The following EPS8 variants were observed in gnomAD, a reference collection of about 807,000 sequenced individuals.
EPS8 encodes EGFR pathway substrate 8, signaling adaptor.
Under a neutral mutation model 103.8 loss-of-function variants are expected in EPS8, and 42 were observed. The observed-to-expected ratio is 0.40, with a 90% CI of 0.32 to 0.52. The LOEUF (loss-of-function observed/expected upper bound fraction) is 0.52, where lower values mean the gene tolerates loss of function less well. EPS8 is among the 20% of genes least tolerant of loss of function. The pLI, the probability that EPS8 is intolerant of heterozygous loss-of-function variation, is 0.40. For synonymous variants in EPS8, 344 were observed against 344.6 expected (o/e 1.00, Z 0.02); for missense variants, 969 against 1,005.1 (o/e 0.96, Z 0.49).
chr12:15,645,682 C>T (rs1354145360), intron 15 of EPS8, among the ~76,000 whole-genome samples: 1 of 152,046 alleles, frequency 6.6e-6, no homozygotes, highest in Non-Finnish European at 1.5e-5. Flanking sequence ...AATACTATCC[C>T]TTATAGATAT....
intron 1 of EPS8, among the ~76,000 whole-genome samples, chr12:15,758,080 T>G (rs1214484014): frequency 6.6e-6 from 1 of 152,170 alleles, no homozygotes; most frequent in East Asian, 1.9e-4. Flanking sequence ...AAGTCCCCAG[T>G]GCCAGCATAC....
In EPS8 at chr12:15,640,859, A is replaced by G. The variant is rs1250555242; in HGVS notation, c.1678-13T>C. On this transcript the variant is annotated splice_polypyrimidine_tract_variant and intron_variant, in intron 16 of 20. Coordinates refer to ENST00000281172, the MANE Select transcript of EPS8 (RefSeq NM_004447.6). ...GATCATCAAGTATCTGTCATGTACA[A>G]GAAAATAAAGGTATAATTTCCATAT... 1 of 1,611,118 alleles carries G rather than the reference A, an allele frequency of 6.2e-7. No individual in the cohort carries two copies. Among genetic ancestry groups the G allele is most frequent in the Non-Finnish European group, 8.5e-7 (1 of 1,179,192 alleles).
At chr12:15,755,731 C>T (rs1009417581) in intron 1 of EPS8, among the ~76,000 whole-genome samples, 18 of 152,108 alleles carry the variant, frequency 1.2e-4, no homozygotes, top group African/African-American at 4.3e-4. Flanking sequence ...GCTTTCTCTC[C>T]ACCCTCGTCC....
intron 1 of EPS8, among the ~76,000 whole-genome samples, chr12:15,783,693 C>T (rs1048329351): frequency 1.4e-4 from 16 of 117,420 alleles, no homozygotes; most frequent in African/African-American, 5.1e-4. Flanking sequence ...TCCATTTTCA[C>T]AAAGAAGCAT....
chr12:15,769,485 C>T lies in EPS8; in HGVS notation c.-22+19676G>A, dbSNP rs1478026446. Among the ~76,000 whole-genome samples, 1 of 152,104 alleles carries T rather than the reference C, an allele frequency of 6.6e-6. No homozygotes were observed. The highest frequency in any genetic ancestry group is 1.5e-5 in the Non-Finnish European group (1 of 68,006). On this transcript the variant is annotated intron_variant, in intron 1 of 20. Transcript: ENST00000281172. The surrounding 1 kb of genome is among the most constrained non-coding windows in gnomAD (Gnocchi z 4.6). ...AACTAGCATTACAGTTATTACTCAA[C>T]TTTGGAAAAATTACACAAATATAAG...
chr12:15,766,719 T>C (rs953960763), intron 1 of EPS8, among the ~76,000 whole-genome samples: 2 of 150,950 alleles, frequency 1.3e-5, no homozygotes, highest in African/African-American at 4.9e-5. Context: ...AAAAAGAATA[T>C]AATAATGACC....
At chr12:15,723,090 G>C (rs1591896854) in intron 1 of EPS8, among the ~76,000 whole-genome samples, 1 of 151,762 alleles carries the variant, frequency 6.6e-6, no homozygotes, top group Non-Finnish European at 1.5e-5. Context: ...GTGGGAGGCT[G>C]AGGGGGATGC....
Position 15,760,313 on chromosome 12 carries a change from A to T in EPS8, c.-22+28848T>A, listed in dbSNP as rs1363766722. 6.6e-6 allele frequency among the ~76,000 whole-genome samples: 1 copy of T among 152,048 alleles called. No individual in the cohort carries two copies. Among genetic ancestry groups the T allele is most frequent in the African/African-American group, 2.4e-5 (1 of 41,438 alleles). On this transcript the variant is annotated intron_variant, in intron 1 of 20. Coordinates refer to ENST00000281172, the MANE Select transcript of EPS8 (RefSeq NM_004447.6). The surrounding 1 kb of genome is among the most constrained non-coding windows in gnomAD (Gnocchi z 4.5). ...TAATAAAATTGAAGGTGTAATAAAAAATCTCCCAGTAAAATAAAAGCCCAA... is the reference window on the plus strand; with the variant it reads ...TAATAAAATTGAAGGTGTAATAAAATATCTCCCAGTAAAATAAAAGCCCAA...
chr12:15,738,052 AT>A lies in EPS8; in HGVS notation c.-22+51108del, dbSNP rs1946784313. Among the ~76,000 whole-genome samples the A allele has an allele frequency of 6.6e-6, 1 of 152,112 alleles. No individual in the cohort carries two copies. Among genetic ancestry groups the A allele is most frequent in the Non-Finnish European group, 1.5e-5 (1 of 67,992 alleles). On this transcript the variant is annotated intron_variant, in intron 1 of 20. Transcript: ENST00000281172. The surrounding 1 kb of genome is among the most constrained non-coding windows in gnomAD (Gnocchi z 6.2). ...AGGGGAATTCGCTCTTCACAGAAAT[AT>A]TTTTTATTTTAATTTTGTATATAAA...
At chr12:15,788,801 C>A (rs1024473576) in intron 1 of EPS8, among the ~76,000 whole-genome samples, 1 of 152,172 alleles carries the variant, frequency 6.6e-6, no homozygotes, top group African/African-American at 2.4e-5. Context: ...AAGCCGAGAT[C>A]GGGATACTCG....
chr12:15,701,329 C>T lies in EPS8; in HGVS notation c.-21-18357G>A, dbSNP rs1450404198. Among the ~76,000 whole-genome samples the T allele has an allele frequency of 1.3e-5, 2 of 152,200 alleles. No homozygotes were observed. Among genetic ancestry groups the T allele is most frequent in the Admixed American group, 6.5e-5 (1 of 15,278 alleles). On this transcript the variant is annotated intron_variant, in intron 1 of 20. Coordinates refer to ENST00000281172, the MANE Select transcript of EPS8 (RefSeq NM_004447.6). The surrounding 1 kb of genome is among the most constrained non-coding windows in gnomAD (Gnocchi z 5.1). Reference sequence around the variant, plus strand: ...GTTTACAGATGAGGAAACTGGGGCACAGAAGTGCCTTGCTCAGTATCACAG... The same window carrying T: ...GTTTACAGATGAGGAAACTGGGGCATAGAAGTGCCTTGCTCAGTATCACAG...
intron 1 of EPS8, among the ~76,000 whole-genome samples, chr12:15,741,791 C>T (rs997375458): frequency 1.3e-5 from 2 of 152,002 alleles, no homozygotes; most frequent in East Asian, 1.9e-4. Context: ...TATACATGTG[C>T]CATGTTGGTG....
intron 17 of EPS8, among the ~76,000 whole-genome samples, chr12:15,638,719 G>T (rs1262821801): frequency 6.6e-6 from 1 of 152,184 alleles, no homozygotes; most frequent in Non-Finnish European, 1.5e-5. Flanking sequence ...TTCTTGGGTT[G>T]TGCCAAAGTT....
At chr12:15,710,576 A>C (rs60366865) in intron 1 of EPS8, among the ~76,000 whole-genome samples, 1,845 of 152,296 alleles carry the variant, frequency 0.012, 39 homozygotes, top group East Asian at 0.037. Flanking sequence ...AATCAAATTA[A>C]CAAACCTAGT....
At chr12:15,707,743 T>C (rs372557548) in intron 1 of EPS8, among the ~76,000 whole-genome samples, 2 of 152,206 alleles carry the variant, frequency 1.3e-5, no homozygotes, top group East Asian at 3.8e-4. Context: ...TGTAAGAATT[T>C]GATTAGGCTT....
In EPS8 at chr12:15,749,580, T is replaced by TTG. The variant is rs1478287079; in HGVS notation, c.-22+39580_-22+39581insCA. Among the ~76,000 whole-genome samples the TTG allele has an allele frequency of 6.6e-6, 1 of 152,198 alleles. No homozygotes were observed. The highest frequency in any genetic ancestry group is 1.5e-5 in the Non-Finnish European group (1 of 68,034). On this transcript the variant is annotated intron_variant, in intron 1 of 20. Coordinates refer to ENST00000281172, the MANE Select transcript of EPS8 (RefSeq NM_004447.6). This position sits in a 1 kb window ranked among gnomAD's most constrained non-coding sequence, Gnocchi z 4.0. ...ATCTTCTTCACTCTGGCTGCGACTA[T>TTG]GCCTCACTCAGAGAAGGGACTCAAT...
chr12:15,662,253 G>A (rs1457295988), intron 8 of EPS8, 154 bp from the exon 9 acceptor site: 1 of 1,461,374 alleles, frequency 6.8e-7, no homozygotes. Flanking sequence ...CATCAGCCAT[G>A]AAATGCATCC....
At position 15,784,518 on chromosome 12, in the gene EPS8, G is replaced by C; in HGVS notation, c.-22+4643C>G. Among the ~76,000 whole-genome samples the C allele has an allele frequency of 6.6e-6, 1 of 152,132 alleles. No individual in the cohort carries two copies. Among genetic ancestry groups the C allele is most frequent in the East Asian group, 1.9e-4 (1 of 5,196 alleles). ...TGCTAGCAAAGATGTGGGGCAATAA[G>C]AACTCACATTCATTGCTGGTGAGAA... On this transcript the variant is annotated intron_variant, in intron 1 of 20. Coordinates refer to ENST00000281172, the MANE Select transcript of EPS8 (RefSeq NM_004447.6). This position sits in a 1 kb window ranked among gnomAD's most constrained non-coding sequence, Gnocchi z 4.0.
rs558656563 is a variant in EPS8, at chr12:15,767,964, T to C, written c.-22+21197A>G. ...GAATAATGTAAAGAAATGTTAAGTATTACCTTAGAAACTGGAATTATGCTT... is the reference window on the plus strand; with the variant it reads ...GAATAATGTAAAGAAATGTTAAGTACTACCTTAGAAACTGGAATTATGCTT... On this transcript the variant is annotated intron_variant, in intron 1 of 20. Coordinates refer to ENST00000281172, the MANE Select transcript of EPS8 (RefSeq NM_004447.6). This position sits in a 1 kb window ranked among gnomAD's most constrained non-coding sequence, Gnocchi z 5.5. 6.6e-6 allele frequency among the ~76,000 whole-genome samples: 1 copy of C among 152,332 alleles called. No individual in the cohort carries two copies. Among genetic ancestry groups the C allele is most frequent in the African/African-American group, 2.4e-5 (1 of 41,570 alleles).
Sources: gnomAD v4.1 joint callset for allele counts (sites outside exome capture counted in the v4.1 genomes callset) on GRCh38, gnomAD v4.1.1 for gene constraint, Gnocchi (gnomAD v3.1) non-coding constraint, MANE v1.5 for transcripts, NCBI Gene and HGNC (gene_info 2026-07-23, HGNC 2026-07-21) for gene names.